The following PDE10A variants were observed in gnomAD, a reference collection of about 807,000 sequenced individuals.
The protein encoded by PDE10A is cAMP and cAMP-inhibited cGMP 3',5'-cyclic phosphodiesterase 10A.
PDE10A carries 39 observed loss-of-function variants against 97.7 expected under a neutral mutation model. The ratio of observed to expected loss-of-function variants is 0.40; its 90% CI spans 0.31 to 0.52. The LOEUF is 0.52. Ranked by LOEUF, PDE10A falls within the 20% of genes least tolerant of loss-of-function variation. The pLI is 0.56. For synonymous variants in PDE10A, 371 were observed against 376.8 expected, an observed-to-expected ratio of 0.98 and a Z score of 0.18; for missense variants, 731 against 1,047.8, an observed-to-expected ratio of 0.70 and a Z score of 4.17.
At chr6:165,846,525 G>A (rs994932153) in intron 1 of PDE10A, among the ~76,000 whole-genome samples, 4 of 152,212 alleles carry the variant, frequency 2.6e-5, no homozygotes, top group African/African-American at 9.6e-5. Context: ...GCGGCTCCGC[G>A]TGCTTTCATT....
chr6:165,450,136 G>A (rs1583306567), intron 4 of PDE10A, 106 bp downstream of exon 4: 1 of 710,858 alleles, frequency 1.4e-6, no homozygotes, highest in Non-Finnish European at 2.3e-6. Context: ...AGAAATAGAA[G>A]TAAATATAAA....
intron 1 of PDE10A, among the ~76,000 whole-genome samples, chr6:165,822,133 C>G (rs1779589505): frequency 6.6e-6 from 1 of 152,224 alleles, no homozygotes; most frequent in Non-Finnish European, 1.5e-5. Flanking sequence ...GGGACATATT[C>G]TGAGAAATGT....
chr6:165,506,988 T>A (rs961466176), intron 2 of PDE10A, among the ~76,000 whole-genome samples: 2 of 152,146 alleles, frequency 1.3e-5, no homozygotes, highest in African/African-American at 4.8e-5. Context: ...ACCCCTTTAG[T>A]AATTGATGTT....
chr6:165,943,207 GAAAGAA>G (rs1322816101), intron 1 of PDE10A, among the ~76,000 whole-genome samples: 6 of 62,198 alleles, frequency 9.6e-5, no homozygotes, highest in African/African-American at 4.6e-4. Flanking sequence ...AAGAAAGAAA[GAAAGAA>G]AGAAAGAAAG....
intron 1 of PDE10A, among the ~76,000 whole-genome samples, chr6:165,798,537 C>T (rs770655867): frequency 6.6e-6 from 1 of 152,118 alleles, no homozygotes; most frequent in Non-Finnish European, 1.5e-5. Flanking sequence ...TTTAAAATAG[C>T]ATTTAACTCC....
chr6:165,936,415 C>A (rs1310061279), intron 1 of PDE10A, among the ~76,000 whole-genome samples: 4 of 152,080 alleles, frequency 2.6e-5, no homozygotes, highest in African/African-American at 9.7e-5. Flanking sequence ...GAGAGAAAGA[C>A]AACAGGAGAA....
At chr6:165,810,009 T>G (rs1779236536) in intron 1 of PDE10A, among the ~76,000 whole-genome samples, 1 of 152,144 alleles carries the variant, frequency 6.6e-6, no homozygotes, top group African/African-American at 2.4e-5. Context: ...AGGCAGGCCT[T>G]CCTCCCGGCT....
At chr6:165,636,194 G>A (rs914614511) in intron 1 of PDE10A, among the ~76,000 whole-genome samples, 2 of 152,112 alleles carry the variant, frequency 1.3e-5, no homozygotes, top group African/African-American at 4.8e-5. Context: ...TCCTGGGTTA[G>A]GGTAAACCCT....
At chr6:165,567,183 G>T (rs1457310214) in intron 1 of PDE10A, among the ~76,000 whole-genome samples, 2 of 152,092 alleles carry the variant, frequency 1.3e-5, no homozygotes, top group Admixed American at 1.3e-4. Context: ...TTGAACAAAA[G>T]AAACCAGACA....
At chr6:165,930,082 AC>A (rs1200658593) in intron 1 of PDE10A, among the ~76,000 whole-genome samples, 1 of 143,538 alleles carries the variant, frequency 7.0e-6, no homozygotes, top group Non-Finnish European at 1.5e-5. Context: ...ATGACCAGGC[AC>A]ATATCACTCC....
At chr6:165,578,096 G>A (rs966283058) in intron 1 of PDE10A, among the ~76,000 whole-genome samples, 3 of 152,248 alleles carry the variant, frequency 2.0e-5, no homozygotes, top group East Asian at 1.9e-4. Flanking sequence ...CATTCAATCC[G>A]AACTGACTTC....
intron 2 of PDE10A, among the ~76,000 whole-genome samples, chr6:165,510,553 G>C (rs1781449697): frequency 6.6e-6 from 1 of 151,990 alleles, no homozygotes; most frequent in Non-Finnish European, 1.5e-5. Flanking sequence ...CTTGTAGAAT[G>C]AGTTGGGGAG....
At chr6:165,821,357 C>T (rs1196717331) in intron 1 of PDE10A, among the ~76,000 whole-genome samples, 2 of 152,102 alleles carry the variant, frequency 1.3e-5, no homozygotes, top group African/African-American at 4.8e-5. Context: ...AAATCATGAT[C>T]GTGACAACAG....
chr6:165,336,196 C>T lies in PDE10A; in HGVS notation c.2992G>A (p.Ala998Thr), dbSNP rs917377023. 4 of 1,613,792 alleles carry T rather than the reference C, an allele frequency of 2.5e-6. No homozygotes were observed. Among genetic ancestry groups the T allele is most frequent in the Non-Finnish European group, 3.4e-6 (4 of 1,179,800 alleles). ...GTTGTATAGCAGGGAATGGCCACGG[C>T]ATTGTAGAACCCAAGCTGCCTCCAT... Reference protein sequence around the residue: ...VPQGQLGFYNAVAIPCYTTLT... With the variant: ...VPQGQLGFYNTVAIPCYTTLT... Residue 998 changes from alanine (A) to threonine (T), a missense_variant, in exon 21 of 22, where the codon GCC (alanine) becomes ACC (threonine). Transcript: ENST00000539869.
In PDE10A at chr6:165,832,747, T is replaced by C. The variant is rs572719079; in HGVS notation, c.-615+154782A>G. Among the ~76,000 whole-genome samples the C allele has an allele frequency of 1.9e-4, 29 of 152,350 alleles. No homozygotes were observed. The South Asian group carries it at 6.0e-3, about 32-fold the overall frequency. On this transcript the variant is annotated intron_variant, in intron 1 of 19. Coordinates refer to the PDE10A transcript ENST00000366882. ...CTGATACACTTAATTCTGGTTAAGG[T>C]GGGAAGTTTACATTTCAAGAGGCTT...
chr6:165,451,494 A>G (rs1453245525), intron 3 of PDE10A, among the ~76,000 whole-genome samples: 2 of 152,350 alleles, frequency 1.3e-5, no homozygotes, highest in African/African-American at 2.4e-5. Flanking sequence ...CGCCTCGCAC[A>G]GTAACACACC....
At chr6:165,692,007 C>T (rs922929247) in intron 1 of PDE10A, among the ~76,000 whole-genome samples, 5 of 152,200 alleles carry the variant, frequency 3.3e-5, no homozygotes, top group African/African-American at 1.2e-4. Flanking sequence ...AATTCCTTAC[C>T]ATGAATCATC....
At chr6:165,514,089 A>G (rs574093279) in intron 2 of PDE10A, among the ~76,000 whole-genome samples, 1 of 152,320 alleles carries the variant, frequency 6.6e-6, no homozygotes. Flanking sequence ...GTTCTATTAC[A>G]TTAACTGATT....
At chr6:165,943,521 G>T (rs1783656310) in intron 1 of PDE10A, among the ~76,000 whole-genome samples, 1 of 152,150 alleles carries the variant, frequency 6.6e-6, no homozygotes, top group South Asian at 2.1e-4. Context: ...AAAGGCCTGA[G>T]AACCTGGGAA....
Sources: allele counts gnomAD v4.1 joint callset (sites outside exome capture counted in the v4.1 genomes callset), GRCh38; gene constraint gnomAD v4.1.1; transcripts MANE v1.5; gene names NCBI Gene and HGNC (gene_info 2026-07-23, HGNC 2026-07-21).